The following PLPP3 variants were observed in gnomAD, a reference collection of about 807,000 sequenced individuals.
PLPP3 encodes phospholipid phosphatase 3.
PLPP3 carries 6 observed loss-of-function variants against 29.6 expected under a neutral mutation model. That is an observed-to-expected ratio of 0.20 (90% CI 0.11 to 0.40). The LOEUF is 0.40. Among genes scored for constraint, PLPP3 ranks in the 10% least tolerant of loss-of-function variants. The probability of loss-of-function intolerance (pLI) is 1.00; values close to 1 mark genes in which losing one functional copy is unlikely to be tolerated. For synonymous variants in PLPP3, 152 were observed against 159.7 expected, an observed-to-expected ratio of 0.95 and a Z score of 0.36; for missense variants, 308 against 407.7, an observed-to-expected ratio of 0.76 and a Z score of 2.11.
At chr1:56,507,532 T>A (rs1375823441) in intron 5 of PLPP3, among the ~76,000 whole-genome samples, 1 of 151,644 alleles carries the variant, frequency 6.6e-6, no homozygotes, top group South Asian at 2.1e-4. Flanking sequence ...GAGCAGGCCA[T>A]GAGTAGATGA....
chr1:56,557,006 G>GA (rs372695116), intron 1 of PLPP3, among the ~76,000 whole-genome samples: 224 of 6,454 alleles, frequency 0.035, 49 homozygotes, highest in Non-Finnish European at 0.07. Context: ...AAGAAAGAAA[G>GA]AAAGAGAGAG....
At chr1:56,519,384 G>A (rs188146383) in intron 4 of PLPP3, among the ~76,000 whole-genome samples, 13 of 152,298 alleles carry the variant, frequency 8.5e-5, no homozygotes, top group African/African-American at 2.9e-4. Flanking sequence ...GAGGGACAAT[G>A]TATCAGACTA....
intron 2 of PLPP3, 69 bp downstream of exon 2, chr1:56,536,886 A>G: frequency 3.8e-6 from 6 of 1,571,626 alleles, no homozygotes; most frequent in South Asian, 1.2e-5. Flanking sequence ...GTTGGCTCAG[A>G]CATTCTATAA....
At chr1:56,505,893 T>C (rs1645698949) in intron 5 of PLPP3, among the ~76,000 whole-genome samples, 3 of 152,168 alleles carry the variant, frequency 2.0e-5, no homozygotes, top group Admixed American at 6.5e-5. Context: ...TTTTGAACAG[T>C]TGTAGAGTAC....
intron 1 of PLPP3, among the ~76,000 whole-genome samples, chr1:56,572,864 C>A (rs537809714): frequency 2.0e-5 from 3 of 152,258 alleles, no homozygotes; most frequent in Admixed American, 6.5e-5. Context: ...CTGGGTTTCA[C>A]AACAAACAAG....
intron 5 of PLPP3, among the ~76,000 whole-genome samples, chr1:56,508,195 G>C (rs1557498003): frequency 6.6e-6 from 1 of 152,180 alleles, no homozygotes; most frequent in Non-Finnish European, 1.5e-5. Flanking sequence ...AAGGGGACAG[G>C]TATCTAATAC....
At chr1:56,578,740 G>C (rs1024622070) in intron 1 of PLPP3, 138 bp downstream of exon 1, 95 of 955,736 alleles carry the variant, frequency 9.9e-5, no homozygotes, top group Non-Finnish European at 1.2e-4. Context: ...CGGCGCAAAG[G>C]CTCCCCAGGA....
At chr1:56,513,407 G>GA (rs1350570407) in intron 4 of PLPP3, 4 of 152,744 alleles carry the variant, frequency 2.6e-5, no homozygotes, top group South Asian at 4.1e-4. Context: ...AGAGGCAGGA[G>GA]AAGGGAAGAG....
chr1:56,523,691 A>C (rs1039394906), intron 4 of PLPP3, 132 bp downstream of exon 4: 11 of 1,011,916 alleles, frequency 1.1e-5, no homozygotes, highest in Admixed American at 2.3e-5. Flanking sequence ...ATTAAACCTA[A>C]CTTTTCTAGC....
intron 5 of PLPP3, among the ~76,000 whole-genome samples, chr1:56,499,505 A>T (rs934804099): frequency 6.6e-6 from 1 of 152,164 alleles, no homozygotes; most frequent in African/African-American, 2.4e-5. Flanking sequence ...TGAATTTCAA[A>T]AATTCTCTCT....
At chr1:56,547,571 A>G (rs538072129) in intron 1 of PLPP3, among the ~76,000 whole-genome samples, 66 of 152,278 alleles carry the variant, frequency 4.3e-4, no homozygotes, top group Non-Finnish European at 7.9e-4. Flanking sequence ...GGCTAAGAAT[A>G]AGACACTTAT....
chr1:56,572,846 T>C (rs1247209811), intron 1 of PLPP3, among the ~76,000 whole-genome samples: 2 of 152,184 alleles, frequency 1.3e-5, no homozygotes, highest in African/African-American at 4.8e-5. Context: ...TCAGTTTCAT[T>C]ATCTCACCTG....
At chr1:56,556,005 T>C (rs765223462) in intron 1 of PLPP3, among the ~76,000 whole-genome samples, 22 of 152,142 alleles carry the variant, frequency 1.4e-4, no homozygotes, top group Admixed American at 6.5e-4. Flanking sequence ...TATTCATGAG[T>C]AGGAAACAGG....
At chr1:56,539,130 A>G (rs1319313840) in intron 1 of PLPP3, among the ~76,000 whole-genome samples, 1 of 152,170 alleles carries the variant, frequency 6.6e-6, no homozygotes, top group Non-Finnish European at 1.5e-5. Context: ...AGGGTCTCTT[A>G]GTCCACCTCC....
chr1:56,499,551 T>C (rs1041172484), intron 5 of PLPP3, among the ~76,000 whole-genome samples: 1 of 152,170 alleles, frequency 6.6e-6, no homozygotes, highest in African/African-American at 2.4e-5. Context: ...CCTTGGACTT[T>C]ATTGACAATA....
chr1:56,520,910 C>CAAAAAAAAAAA (rs1169318077), intron 4 of PLPP3, among the ~76,000 whole-genome samples: 1 of 61,906 alleles, frequency 1.6e-5, no homozygotes, highest in Non-Finnish European at 2.7e-5. Flanking sequence ...GACTCCATCT[C>CAAAAAAAAAAA]AAAAAAAAAA....
chr1:56,576,625 T>A (rs565141720), intron 1 of PLPP3, among the ~76,000 whole-genome samples: 74 of 152,350 alleles, frequency 4.9e-4, no homozygotes, highest in African/African-American at 1.8e-3. Flanking sequence ...TGAAAACAAG[T>A]AGCTATGTGC....
At chr1:56,527,025 C>T (rs888835563) in intron 2 of PLPP3, among the ~76,000 whole-genome samples, 1 of 152,244 alleles carries the variant, frequency 6.6e-6, no homozygotes, top group African/African-American at 2.4e-5. Context: ...TGTGAGTTTC[C>T]AATGCAAATT....
chr1:56,523,814 G>A lies in PLPP3; in HGVS notation c.633+9C>T, dbSNP rs754221186. 2 of 1,612,208 alleles carry A rather than the reference G, an allele frequency of 1.2e-6. No homozygotes were observed. The highest frequency in any genetic ancestry group is 1.7e-6 in the Non-Finnish European group (2 of 1,178,498). On this transcript the variant is annotated intron_variant, in intron 4 of 5. Transcript: ENST00000371250. ...TGAGCACTGCTCAAATCAAAGGGTG[G>A]GTACTTACCACCAAATACAGCATAG...
Sources: gnomAD v4.1 joint callset for allele counts (sites outside exome capture counted in the v4.1 genomes callset) on GRCh38, gnomAD v4.1.1 for gene constraint, MANE v1.5 for transcripts, NCBI Gene and HGNC (gene_info 2026-07-23, HGNC 2026-07-21) for gene names.